The following PRKN variants were observed in gnomAD, a reference collection of about 807,000 sequenced individuals.
The protein encoded by PRKN is parkin RBR E3 ubiquitin protein ligase.
Under a neutral mutation model 59.5 loss-of-function variants are expected in PRKN, and 56 were observed. The ratio of observed to expected loss-of-function variants is 0.94; its 90% CI spans 0.76 to 1.18. PRKN has a LOEUF of 1.18. Among genes scored for constraint, PRKN ranks in the 50% most tolerant of loss-of-function variants. The pLI, the probability that PRKN is intolerant of heterozygous loss-of-function variation, is 0.00. For synonymous variants in PRKN, 250 were observed against 222.1 expected (o/e 1.13, Z -1.12); for missense variants, 657 against 596.4 (o/e 1.10, Z -1.06).
intron 2 of PRKN, among the ~76,000 whole-genome samples, chr6:162,428,364 C>T (rs1789344684): frequency 3.9e-5 from 6 of 152,090 alleles, no homozygotes. Flanking sequence ...TATTTGGTAG[C>T]ACTAGGTATC....
At chr6:162,469,887 AAT>A in intron 1 of PRKN, among the ~76,000 whole-genome samples, 1 of 152,314 alleles carries the variant, frequency 6.6e-6, no homozygotes, top group African/African-American at 2.4e-5. Context: ...GGAAATAAAA[AAT>A]TTAAAAAAAG....
At chr6:161,574,222 T>C (rs1202102092) in intron 7 of PRKN, among the ~76,000 whole-genome samples, 1 of 152,034 alleles carries the variant, frequency 6.6e-6, no homozygotes, top group Admixed American at 6.6e-5. Context: ...AAGATGGGGC[T>C]TAAAAATAAC....
intron 1 of PRKN, among the ~76,000 whole-genome samples, chr6:162,472,468 T>TATATATATATATA (rs1385821060): frequency 9.5e-4 from 99 of 104,220 alleles, no homozygotes; most frequent in Middle Eastern, 4.9e-3. Context: ...TTTTATTTTA[T>TATATATATATATA]TTTATTTTAT....
chr6:161,563,845 C>T (rs78978787), intron 8 of PRKN, among the ~76,000 whole-genome samples: 2,350 of 152,208 alleles, frequency 0.015, 63 homozygotes, highest in African/African-American at 0.053. Context: ...GTGAGTATTA[C>T]GCTTACTTTA....
intron 7 of PRKN, among the ~76,000 whole-genome samples, chr6:161,580,039 G>A (rs1781276258): frequency 6.6e-6 from 1 of 151,900 alleles, no homozygotes; most frequent in Non-Finnish European, 1.5e-5. Context: ...TATATGCTGG[G>A]GTGAGATACA....
At chr6:162,080,959 T>A (rs918626175) in intron 4 of PRKN, among the ~76,000 whole-genome samples, 2 of 152,104 alleles carry the variant, frequency 1.3e-5, no homozygotes, top group African/African-American at 4.8e-5. Context: ...AGGAGTAGGT[T>A]TCATCTTAAG....
chr6:161,445,721 G>A lies in PRKN; in HGVS notation c.1084-58844C>T, dbSNP rs942327566. 6.6e-6 allele frequency among the ~76,000 whole-genome samples: 1 copy of A among 152,164 alleles called. No individual in the cohort carries two copies. Among genetic ancestry groups the A allele is most frequent in the Non-Finnish European group, 1.5e-5 (1 of 68,038 alleles). Reference sequence around the variant, plus strand: ...GTGCATGGTCTCCCTTCACGTGCGGGGCCAGGTGACTGCACAGAGTGATGA... The same window carrying A: ...GTGCATGGTCTCCCTTCACGTGCGGAGCCAGGTGACTGCACAGAGTGATGA... On this transcript the variant is annotated intron_variant, in intron 9 of 11. Transcript: ENST00000366898. This position sits in a 1 kb window ranked among gnomAD's most constrained non-coding sequence, Gnocchi z 7.7.
chr6:162,574,971 T>C (rs956406463), intron 1 of PRKN, among the ~76,000 whole-genome samples: 12 of 152,170 alleles, frequency 7.9e-5, no homozygotes, highest in African/African-American at 2.9e-4. Context: ...CTTTGTTTTA[T>C]GCTTTTCAAA....
intron 5 of PRKN, among the ~76,000 whole-genome samples, chr6:162,032,532 A>G (rs1211986712): frequency 6.6e-6 from 1 of 152,138 alleles, no homozygotes; most frequent in African/African-American, 2.4e-5. Flanking sequence ...AGAGGACAAA[A>G]TAATTTCATG....
intron 9 of PRKN, among the ~76,000 whole-genome samples, chr6:161,476,700 G>A (rs1487945882): frequency 1.3e-5 from 2 of 152,216 alleles, no homozygotes; most frequent in Admixed American, 1.3e-4. Context: ...GACACTGGCG[G>A]TTTAGTCACA....
chr6:162,702,477 T>C (rs978331769), intron 1 of PRKN, among the ~76,000 whole-genome samples: 1 of 151,902 alleles, frequency 6.6e-6, no homozygotes, highest in Non-Finnish European at 1.5e-5. Context: ...ATTTCCTGAT[T>C]TTCTCCCTCA....
At position 161,413,434 on chromosome 6, in the gene PRKN, C is replaced by T. The variant is rs149140181; in HGVS notation, c.1084-26557G>A. The stretch of plus-strand genomic sequence containing the variant: ...TCGCCAGTGCATCAACACAGAGTAA[C>T]CGAATACATCAGAGAGGACATAGGG... On this transcript the variant is annotated intron_variant, in intron 9 of 11. Coordinates refer to ENST00000366898, the MANE Select transcript of PRKN (RefSeq NM_004562.3). This position sits in a 1 kb window ranked among gnomAD's most constrained non-coding sequence, Gnocchi z 4.4. 6.6e-6 allele frequency among the ~76,000 whole-genome samples: 1 copy of T among 152,304 alleles called. No individual in the cohort carries two copies. The highest frequency in any genetic ancestry group is 6.5e-5 in the Admixed American group (1 of 15,306).
chr6:161,382,530 C>A (rs907716386), intron 10 of PRKN, among the ~76,000 whole-genome samples: 1 of 152,302 alleles, frequency 6.6e-6, no homozygotes, highest in South Asian at 2.1e-4. Context: ...CTACCTAGAA[C>A]CAGTTTATGT....
intron 9 of PRKN, among the ~76,000 whole-genome samples, chr6:161,432,647 G>A (rs1420927289): frequency 1.3e-5 from 2 of 150,736 alleles, no homozygotes; most frequent in African/African-American, 4.9e-5. Context: ...CTCCCAAAGT[G>A]CTGGGATTAC....
intron 2 of PRKN, among the ~76,000 whole-genome samples, chr6:162,350,789 G>A (rs1021921543): frequency 6.6e-6 from 1 of 151,964 alleles, no homozygotes; most frequent in Admixed American, 6.6e-5. Flanking sequence ...GATCCCCAAA[G>A]CATGACCAAA....
intron 7 of PRKN, among the ~76,000 whole-genome samples, chr6:161,668,366 A>G (rs1784795595): frequency 6.6e-6 from 1 of 152,200 alleles, no homozygotes; most frequent in South Asian, 2.1e-4. Flanking sequence ...TGAGCATAAA[A>G]ACAACACACG....
At chr6:161,675,967 G>A (rs1785070675) in intron 7 of PRKN, among the ~76,000 whole-genome samples, 1 of 152,232 alleles carries the variant, frequency 6.6e-6, no homozygotes, top group African/African-American at 2.4e-5. Flanking sequence ...CATGTAGCAA[G>A]AGCTCTGCTT....
intron 9 of PRKN, among the ~76,000 whole-genome samples, chr6:161,513,902 T>A (rs907499721): frequency 2.0e-5 from 3 of 152,094 alleles, no homozygotes; most frequent in Admixed American, 2.0e-4. Context: ...ACAAATAGAA[T>A]ACCTTCCTGA....
At chr6:162,071,646 G>A (rs761241111) in intron 4 of PRKN, among the ~76,000 whole-genome samples, 1 of 150,858 alleles carries the variant, frequency 6.6e-6, no homozygotes, top group Non-Finnish European at 1.5e-5. Context: ...GCCCAGGCTG[G>A]AGTGCAGTAC....
Sources: allele counts gnomAD v4.1 joint callset (sites outside exome capture counted in the v4.1 genomes callset), GRCh38; gene constraint gnomAD v4.1.1; non-coding constraint Gnocchi (gnomAD v3.1); transcripts MANE v1.5; gene names NCBI Gene and HGNC (gene_info 2026-07-23, HGNC 2026-07-21).